ERI3: variants seen among roughly 807,000 people sequenced by gnomAD.
ERI3 encodes ERI1 exoribonuclease family member 3, also known as ERI1 exoribonuclease 3.
ERI3 carries 18 observed loss-of-function variants against 44.4 expected under a neutral mutation model. That is an observed-to-expected ratio of 0.41 (90% CI 0.28 to 0.60). The LOEUF (loss-of-function observed/expected upper bound fraction) is 0.60. Among genes scored for constraint, ERI3 ranks in the 20% least tolerant of loss-of-function variants. The pLI is 0.36. For synonymous variants in ERI3, 183 were observed against 164.8 expected, an observed-to-expected ratio of 1.11 and a Z score of -0.84; for missense variants, 294 against 435.5, an observed-to-expected ratio of 0.68 and a Z score of 2.89.
At chr1:44,256,486 G>C (rs1644783207) in intron 7 of ERI3, among the ~76,000 whole-genome samples, 2 of 152,216 alleles carry the variant, frequency 1.3e-5, no homozygotes, top group Admixed American at 1.3e-4. Flanking sequence ...CCTAACCCCA[G>C]ATGGCAGTTC....
chr1:44,248,702 A>AGGGTGTGTGT (rs1553183708), intron 7 of ERI3, among the ~76,000 whole-genome samples: 1 of 148,380 alleles, frequency 6.7e-6, no homozygotes, highest in Admixed American at 6.7e-5. Flanking sequence ...TGTGAGAGAG[A>AGGGTGTGTGT]GTGTGTGTGT....
chr1:44,309,441 G>A (rs1645907630), intron 5 of ERI3, among the ~76,000 whole-genome samples: 1 of 152,024 alleles, frequency 6.6e-6, no homozygotes, highest in Admixed American at 6.5e-5. Flanking sequence ...GTTGCAGTGA[G>A]CTGAGATCAC....
intron 6 of ERI3, among the ~76,000 whole-genome samples, chr1:44,288,130 G>A (rs1645432177): frequency 7.4e-6 from 1 of 135,118 alleles, no homozygotes; most frequent in South Asian, 2.7e-4. Flanking sequence ...CTATCCCAGA[G>A]GGGCCACACT....
chr1:44,352,768 A>T, intron 2 of ERI3, 82 bp downstream of exon 2: 1 of 1,477,332 alleles, frequency 6.8e-7, no homozygotes, highest in Non-Finnish European at 9.3e-7. Context: ...TACAATCTGC[A>T]TCAGCCCCCA....
intron 8 of ERI3, among the ~76,000 whole-genome samples, chr1:44,240,281 T>G (rs771525657): frequency 1.2e-4 from 19 of 152,096 alleles, no homozygotes; most frequent in Non-Finnish European, 2.5e-4. Flanking sequence ...CCTATTTGAT[T>G]CCAGTCCCCT....
At chr1:44,323,143 C>A in intron 3 of ERI3, 1 of 332,108 alleles carries the variant, frequency 3.0e-6, no homozygotes, top group Non-Finnish European at 5.4e-6. Context: ...CCCTCTTTCC[C>A]TATCCTAATA....
At chr1:44,301,542 T>C (rs1156622718) in intron 6 of ERI3, among the ~76,000 whole-genome samples, 16 of 152,202 alleles carry the variant, frequency 1.1e-4, no homozygotes, top group Admixed American at 1.0e-3. Context: ...AAATATGTAC[T>C]GCCACAGGGC....
chr1:44,347,318 G>T (rs1646804765), intron 2 of ERI3, among the ~76,000 whole-genome samples: 2 of 152,106 alleles, frequency 1.3e-5, no homozygotes, highest in South Asian at 2.1e-4. Flanking sequence ...CACAAGAGCA[G>T]AATTAAAAGA....
chr1:44,261,212 C>T (rs76771876), intron 7 of ERI3, among the ~76,000 whole-genome samples: 4,905 of 152,304 alleles, frequency 0.032, 99 homozygotes, highest in Middle Eastern at 0.041. Context: ...CTTTTTGCTC[C>T]GGTTCAGGTA....
At chr1:44,317,048 T>C (rs1362636910) in intron 4 of ERI3, among the ~76,000 whole-genome samples, 1 of 152,164 alleles carries the variant, frequency 6.6e-6, no homozygotes, top group Non-Finnish European at 1.5e-5. Context: ...AGAGACTTGT[T>C]CAAACTGGAA....
At chr1:44,286,096 C>T (rs533847949) in intron 6 of ERI3, among the ~76,000 whole-genome samples, 2 of 152,312 alleles carry the variant, frequency 1.3e-5, no homozygotes, top group South Asian at 4.1e-4. Flanking sequence ...TGGCTAGCTT[C>T]ATGCTACTCA....
chr1:44,291,096 T>C (rs1645497897), intron 6 of ERI3, among the ~76,000 whole-genome samples: 1 of 152,206 alleles, frequency 6.6e-6, no homozygotes, highest in African/African-American at 2.4e-5. Context: ...TGCAACAGCG[T>C]AGCAATTTAA....
At chr1:44,332,616 C>T (rs1646454196) in intron 3 of ERI3, among the ~76,000 whole-genome samples, 1 of 152,224 alleles carries the variant, frequency 6.6e-6, no homozygotes, top group African/African-American at 2.4e-5. Context: ...CTCCATTCCC[C>T]GAGATGTATA....
At chr1:44,335,856 G>C (rs146054897) in intron 3 of ERI3, among the ~76,000 whole-genome samples, 1 of 151,854 alleles carries the variant, frequency 6.6e-6, no homozygotes, top group Non-Finnish European at 1.5e-5. Flanking sequence ...CACTAAGGAA[G>C]GCTGATCTAA....
At chr1:44,290,817 G>A (rs1268442744) in intron 6 of ERI3, among the ~76,000 whole-genome samples, 2 of 152,178 alleles carry the variant, frequency 1.3e-5, no homozygotes. Context: ...ATCAGGAAGG[G>A]CTGTCAGCCA....
chr1:44,338,941 G>T, intron 3 of ERI3, 104 bp downstream of exon 3: 2 of 1,368,892 alleles, frequency 1.5e-6, no homozygotes, highest in Non-Finnish European at 2.0e-6. Flanking sequence ...GTAGCTAAAA[G>T]ACAGGAAGGC....
At position 44,355,119 on chromosome 1, in the gene ERI3, T is replaced by TGGC. The variant is rs1646973893; in HGVS notation, c.-96_-94dup. 14 of 1,237,956 alleles carry TGGC rather than the reference T, an allele frequency of 1.1e-5. No homozygotes were observed. Among genetic ancestry groups the TGGC allele is most frequent in the Non-Finnish European group, 1.4e-5 (14 of 985,256 alleles). The allele number at this position is 1,237,956 out of a possible 1,614,324, so 76.7% of individuals were successfully genotyped here. ...GGCCTCAGCAAGCGCTCAGGGCAGTTGGCGGCGGCGGGCGCGGCCCGCGCC... is the reference window on the plus strand; with the variant it reads ...GGCCTCAGCAAGCGCTCAGGGCAGTTGGCGGCGGCGGCGGGCGCGGCCCGCGCC... On this transcript the variant is annotated 5_prime_UTR_variant, in exon 1 of 9. Transcript: ENST00000372257.
chr1:44,346,818 A>C (rs1646792856), intron 2 of ERI3, among the ~76,000 whole-genome samples: 1 of 152,176 alleles, frequency 6.6e-6, no homozygotes, highest in Admixed American at 6.5e-5. Context: ...AATAATAATA[A>C]TACCTATGTC....
chr1:44,263,317 G>A (rs1192020554), intron 7 of ERI3, among the ~76,000 whole-genome samples: 1 of 152,224 alleles, frequency 6.6e-6, no homozygotes, highest in African/African-American at 2.4e-5. Flanking sequence ...CAGTCTCAGT[G>A]AAGGGGAACT....
Sources: allele counts gnomAD v4.1 joint callset (sites outside exome capture counted in the v4.1 genomes callset), GRCh38; gene constraint gnomAD v4.1.1; transcripts MANE v1.5; gene names NCBI Gene and HGNC (gene_info 2026-07-23, HGNC 2026-07-21).